Variants in KRTAP5-11 observed in about 807,000 individuals in gnomAD.
KRTAP5-11 encodes the protein keratin associated protein 5-11, also known as keratin-associated protein 5-11.
For synonymous variants in KRTAP5-11, 88 were observed against 73.0 expected, an observed-to-expected ratio of 1.21 and a Z score of -1.05; for missense variants, 202 against 188.7, an observed-to-expected ratio of 1.07 and a Z score of -0.41.
chr11:71,582,413 C>G lies in KRTAP5-11; in HGVS notation c.425G>C (p.Cys142Ser), dbSNP rs750328962. 1 of 1,614,188 alleles carries G rather than the reference C, an allele frequency of 6.2e-7. No individual in the cohort carries two copies. ...CACGGGGACACAGCAGCTGGACTGG[C>G]AGCAGCAGGGCTTGAAGCAGCTAGA... ...CQSSCFKPCC[C>S]QSSCCVPVCC... Residue 142 changes from cysteine to serine, a missense_variant, in exon 1 of 1, where the codon TGC becomes TCC. Coordinates refer to ENST00000398530, the MANE Select transcript of KRTAP5-11 (RefSeq NM_001005405.3).
Position 71,582,372 on chromosome 11 carries a change from T to C in KRTAP5-11, c.466A>G (p.Ile156Val). ...CCVPVCCQCKI is the reference protein window; with the variant it reads ...CCVPVCCQCKV ...GAAGGTCTGGGTCCAGAGCCTCAGATCTTACACTGGCAGCACACGGGGACA... is the reference window on the plus strand; with the variant it reads ...GAAGGTCTGGGTCCAGAGCCTCAGACCTTACACTGGCAGCACACGGGGACA... The change falls in exon 1 of 1, where the codon ATC becomes GTC. Residue 156 changes from isoleucine to valine, a missense_variant. Coordinates refer to ENST00000398530, the MANE Select transcript of KRTAP5-11 (RefSeq NM_001005405.3). 1.2e-6 allele frequency: 2 copies of C among 1,614,164 alleles called. No individual in the cohort carries two copies. The highest frequency in any genetic ancestry group is 1.7e-6 in the Non-Finnish European group (2 of 1,180,026).
chr11:71,582,643 C>G lies in KRTAP5-11; in HGVS notation c.195G>C (p.Gly65=). The G allele has an allele frequency of 1.2e-6, 2 of 1,613,810 alleles. No homozygotes were observed. The highest frequency in any genetic ancestry group is 1.7e-6 in the Non-Finnish European group (2 of 1,179,974). Reference sequence around the variant, plus strand: ...TGGAGCTCCCACAAGAGCCACAGCCCCCTTTGGAGCCCCCACAGGAGCCAC... The same window carrying G: ...TGGAGCTCCCACAAGAGCCACAGCCGCCTTTGGAGCCCCCACAGGAGCCAC... ...SSCGSCGGSK[G]GCGSCGSSKG... The change falls in exon 1 of 1, where the codon GGG becomes GGC. Residue 65 remains glycine (G), a synonymous_variant. Coordinates refer to ENST00000398530, the MANE Select transcript of KRTAP5-11 (RefSeq NM_001005405.3).
At position 71,582,282 on chromosome 11, in the gene KRTAP5-11, T is replaced by G; in HGVS notation, c.*85A>C. ...TAGAGCAGGTGCAGGTGCCTCAGGA[T>G]GATGTGTGGGATGAACTGATTCAGA... On this transcript the variant is annotated 3_prime_UTR_variant, in exon 1 of 1. Coordinates refer to ENST00000398530, the MANE Select transcript of KRTAP5-11 (RefSeq NM_001005405.3). 6.3e-7 allele frequency: 1 copy of G among 1,598,692 alleles called. No individual in the cohort carries two copies. The highest frequency in any genetic ancestry group is 8.5e-7 in the Non-Finnish European group (1 of 1,170,864).
chr11:71,582,401 C>G lies in KRTAP5-11; in HGVS notation c.437G>C (p.Cys146Ser). 2 of 1,614,210 alleles carry G rather than the reference C, an allele frequency of 1.2e-6. No individual in the cohort carries two copies. Among genetic ancestry groups the G allele is most frequent in the African/African-American group, 1.3e-5 (1 of 75,046 alleles). Residue 146 changes from cysteine (C) to serine (S), a missense_variant, in exon 1 of 1, where the codon TGC becomes TCC. By Grantham distance (112) the Cys-to-Ser change is moderately radical. Coordinates refer to ENST00000398530, the MANE Select transcript of KRTAP5-11 (RefSeq NM_001005405.3). Reference protein sequence around the residue: ...CFKPCCCQSSCCVPVCCQCKI With the variant: ...CFKPCCCQSSSCVPVCCQCKI ...ACACTGGCAGCACACGGGGACACAG[C>G]AGCTGGACTGGCAGCAGCAGGGCTT...
At position 71,582,252 on chromosome 11, in the gene KRTAP5-11, T is replaced by A. The variant is rs897225822; in HGVS notation, c.*115A>T. 4 of 1,573,728 alleles carry A rather than the reference T, an allele frequency of 2.5e-6. No homozygotes were observed. The African/African-American group carries it at 4.0e-5, about 16-fold the overall frequency. On this transcript the variant is annotated 3_prime_UTR_variant, in exon 1 of 1. Coordinates refer to ENST00000398530, the MANE Select transcript of KRTAP5-11 (RefSeq NM_001005405.3). ...TGGAAAGAGGTGCATGCATGGATGA[T>A]GAGCTAGAGCAGGTGCAGGTGCCTC...
rs1169390616 is a variant in KRTAP5-11, at chr11:71,581,992, C to T, written c.*375G>A. The stretch of plus-strand genomic sequence containing the variant: ...GAGAACAGGCAGCAGCCCAGGAGGA[C>T]CCAGAATCCCAGTGGTGGTTGAGAA... On this transcript the variant is annotated 3_prime_UTR_variant, in exon 1 of 1. Transcript: ENST00000398530. 3.7e-5 allele frequency: 12 copies of T among 324,298 alleles called. No individual in the cohort carries two copies. Among genetic ancestry groups the T allele is most frequent in the Admixed American group, 2.7e-4 (6 of 21,976 alleles). The allele number at this position is 324,298 out of a possible 1,614,324, so 20.1% of individuals were successfully genotyped here.
Position 71,582,146 on chromosome 11 carries a change from G to A in KRTAP5-11, c.*221C>T, listed in dbSNP as rs1250973375. Reference sequence around the variant, plus strand: ...TGCAGGGAACACCATGGCGTCCAGGGAAGAACACCTCCTGCATCAAGGAAA... The same window carrying A: ...TGCAGGGAACACCATGGCGTCCAGGAAAGAACACCTCCTGCATCAAGGAAA... On this transcript the variant is annotated 3_prime_UTR_variant, in exon 1 of 1. Coordinates refer to ENST00000398530, the MANE Select transcript of KRTAP5-11 (RefSeq NM_001005405.3). 5.4e-5 allele frequency: 52 copies of A among 968,934 alleles called. No homozygotes were observed. The highest frequency in any genetic ancestry group is 6.8e-5 in the Non-Finnish European group (45 of 662,222). 60.0% of individuals were successfully genotyped at this position (968,934 alleles called of 1,614,324 possible). A position where few individuals can be genotyped will look rare whatever the true frequency, so the allele number is the denominator to read the frequency against.
At position 71,582,355 on chromosome 11, in the gene KRTAP5-11, G is replaced by T. The variant is rs1177353014; in HGVS notation, c.*12C>A. 1 of 1,614,202 alleles carries T rather than the reference G, an allele frequency of 6.2e-7. No individual in the cohort carries two copies. The stretch of plus-strand genomic sequence containing the variant: ...CCAAAGAGGAGAAACCTGAAGGTCT[G>T]GGTCCAGAGCCTCAGATCTTACACT... On this transcript the variant is annotated 3_prime_UTR_variant, in exon 1 of 1. Transcript: ENST00000398530.
At position 71,582,280 on chromosome 11, in the gene KRTAP5-11, G is replaced by T. The variant is rs1440566753; in HGVS notation, c.*87C>A. The T allele has an allele frequency of 5.0e-6, 8 of 1,597,922 alleles. No homozygotes were observed. Among genetic ancestry groups the T allele is most frequent in the Non-Finnish European group, 2.6e-6 (3 of 1,170,658 alleles). On this transcript the variant is annotated 3_prime_UTR_variant, in exon 1 of 1. Coordinates refer to ENST00000398530, the MANE Select transcript of KRTAP5-11 (RefSeq NM_001005405.3). Reference sequence around the variant, plus strand: ...GCTAGAGCAGGTGCAGGTGCCTCAGGATGATGTGTGGGATGAACTGATTCA... The same window carrying T: ...GCTAGAGCAGGTGCAGGTGCCTCAGTATGATGTGTGGGATGAACTGATTCA...
rs770218109 is a variant in KRTAP5-11, at chr11:71,582,439, CTGGCAGCAGCTGGAT to C, written c.384_398del (p.Cys132_Cys136del). On this transcript the variant is annotated inframe_deletion, in exon 1 of 1. Transcript: ENST00000398530. Reference sequence around the variant, plus strand: ...AGCAGCAGGGCTTGAAGCAGCTAGACTGGCAGCAGCTGGATTGGCAGCAGCAGGGCTTGCAGCAGC... The same window carrying C: ...AGCAGCAGGGCTTGAAGCAGCTAGACTGGCAGCAGCAGGGCTTGCAGCAGC... The C allele has an allele frequency of 1.2e-6, 2 of 1,613,814 alleles. No individual in the cohort carries two copies. Among genetic ancestry groups the C allele is most frequent in the Non-Finnish European group, 1.7e-6 (2 of 1,179,912 alleles).
chr11:71,582,821 C>T lies in KRTAP5-11; in HGVS notation c.17G>A (p.Cys6Tyr). The T allele has an allele frequency of 3.7e-6, 6 of 1,613,786 alleles. No homozygotes were observed. Among genetic ancestry groups the T allele is most frequent in the Non-Finnish European group, 5.1e-6 (6 of 1,179,906 alleles). ...ACAGCCAGAGCCACAGCCTCCAGAA[C>T]AGCCACAGCAGCCCATGATTCTGGC... MGCCGCSGGCGSGCGG... is the reference protein window; with the variant it reads MGCCGYSGGCGSGCGG... The change falls in exon 1 of 1, where the codon TGT becomes TAT. Residue 6 changes from cysteine (C) to tyrosine (Y), a missense_variant. Physicochemically the swap from Cys to Tyr is radical, Grantham distance 194. Coordinates refer to ENST00000398530, the MANE Select transcript of KRTAP5-11 (RefSeq NM_001005405.3).
chr11:71,582,608 C>T lies in KRTAP5-11; in HGVS notation c.230G>A (p.Cys77Tyr). 6.2e-7 allele frequency: 1 copy of T among 1,614,144 alleles called. No homozygotes were observed. Among genetic ancestry groups the T allele is most frequent in the African/African-American group, 1.3e-5 (1 of 75,064 alleles). ...CGSCGSSKGGCGSCGCSQSNC... is the reference protein window; with the variant it reads ...CGSCGSSKGGYGSCGCSQSNC... ...GGACTGGGAGCAGCCACAAGAACCA[C>T]ACCCACCCTTGGAGCTCCCACAAGA... Residue 77 changes from cysteine (C) to tyrosine (Y), a missense_variant, in exon 1 of 1, where the codon TGT becomes TAT. Transcript: ENST00000398530.
In KRTAP5-11 at chr11:71,582,805, G is replaced by A; in HGVS notation, c.33C>T (p.Gly11=). The part of the protein sequence containing the change: MGCCGCSGGC[G]SGCGGCGSGS... ...CGGAGCCACAGCCCCCACAGCCAGA[G>A]CCACAGCCTCCAGAACAGCCACAGC... is the stretch of plus-strand genomic sequence containing the variant. Residue 11 remains glycine, a synonymous_variant, in exon 1 of 1, where the codon GGC becomes GGT. Transcript: ENST00000398530. 7 of 1,612,736 alleles carry A rather than the reference G, an allele frequency of 4.3e-6. No individual in the cohort carries two copies. The highest frequency in any genetic ancestry group is 5.9e-6 in the Non-Finnish European group (7 of 1,179,382).
In KRTAP5-11 at chr11:71,582,791, C is replaced by A. The variant is rs1366294431; in HGVS notation, c.47G>T (p.Gly16Val). 2 of 1,610,554 alleles carry A rather than the reference C, an allele frequency of 1.2e-6. No homozygotes were observed. Among genetic ancestry groups the A allele is most frequent in the Non-Finnish European group, 1.7e-6 (2 of 1,178,330 alleles). ...ACAGCCCCCACTGCCGGAGCCACAGCCCCCACAGCCAGAGCCACAGCCTCC... is the reference window on the plus strand; with the variant it reads ...ACAGCCCCCACTGCCGGAGCCACAGACCCCACAGCCAGAGCCACAGCCTCC... The part of the protein sequence containing the change: ...CSGGCGSGCG[G>V]CGSGSGGCGS... The change falls in exon 1 of 1, where the codon GGC becomes GTC. Residue 16 changes from glycine to valine, a missense_variant. By Grantham distance (109) the Gly-to-Val change is moderately radical. Coordinates refer to ENST00000398530, the MANE Select transcript of KRTAP5-11 (RefSeq NM_001005405.3).
At position 71,582,222 on chromosome 11, in the gene KRTAP5-11, A is replaced by G. The variant is rs1266505351; in HGVS notation, c.*145T>C. On this transcript the variant is annotated 3_prime_UTR_variant, in exon 1 of 1. Coordinates refer to ENST00000398530, the MANE Select transcript of KRTAP5-11 (RefSeq NM_001005405.3). ...GAAGGCAGGGCCTAGAGGAGAGCCGAGCCATGGAAAGAGGTGCATGCATGG... is the reference window on the plus strand; with the variant it reads ...GAAGGCAGGGCCTAGAGGAGAGCCGGGCCATGGAAAGAGGTGCATGCATGG... The G allele has an allele frequency of 6.5e-7, 1 of 1,527,010 alleles. No individual in the cohort carries two copies. Among genetic ancestry groups the G allele is most frequent in the East Asian group, 2.3e-5 (1 of 44,310 alleles). 94.6% of individuals were successfully genotyped at this position (1,527,010 alleles called of 1,614,324 possible). A position where few individuals can be genotyped will look rare whatever the true frequency, so the allele number is the denominator to read the frequency against.
At position 71,582,739 on chromosome 11, in the gene KRTAP5-11, G is replaced by GGAGCCACAGCCCCCACAGCCA. The variant is rs1231471865; in HGVS notation, c.78_98dup (p.Gly27_Ser33dup). On this transcript the variant is annotated inframe_insertion, in exon 1 of 1. Coordinates refer to ENST00000398530, the MANE Select transcript of KRTAP5-11 (RefSeq NM_001005405.3). ...AGCAGCAAATGGGCACACAGCAGCT[G>GGAGCCACAGCCCCCACAGCCA]GAGCCACAGCCCCCACAGCCAGAGC... 1 of 1,530,028 alleles carries GGAGCCACAGCCCCCACAGCCA rather than the reference G, an allele frequency of 6.5e-7. No homozygotes were observed. Among genetic ancestry groups the GGAGCCACAGCCCCCACAGCCA allele is most frequent in the Admixed American group, 1.8e-5 (1 of 56,826 alleles). The allele number at this position is 1,530,028 out of a possible 1,614,324, so 94.8% of individuals were successfully genotyped here. A position where few individuals can be genotyped will look rare whatever the true frequency, so the allele number is the denominator to read the frequency against.
chr11:71,582,318 G>C lies in KRTAP5-11; in HGVS notation c.*49C>G. ...ATGAACTGATTCAGAGAAACCATAAGAAATGCTTTCACCAAAGAGGAGAAA... is the reference window on the plus strand; with the variant it reads ...ATGAACTGATTCAGAGAAACCATAACAAATGCTTTCACCAAAGAGGAGAAA... On this transcript the variant is annotated 3_prime_UTR_variant, in exon 1 of 1. Transcript: ENST00000398530. 1 of 1,612,892 alleles carries C rather than the reference G, an allele frequency of 6.2e-7. No homozygotes were observed. The highest frequency in any genetic ancestry group is 8.5e-7 in the Non-Finnish European group (1 of 1,179,050).
chr11:71,582,851 T>A lies in KRTAP5-11; in HGVS notation c.-14A>T. ...ACAGCAGCCCATGATTCTGGCGGAT[T>A]GAGAGTAGAGCAGGTAGAGGAGCAG... On this transcript the variant is annotated 5_prime_UTR_variant, in exon 1 of 1. Coordinates refer to ENST00000398530, the MANE Select transcript of KRTAP5-11 (RefSeq NM_001005405.3). 6.2e-7 allele frequency: 1 copy of A among 1,613,728 alleles called. No homozygotes were observed. Among genetic ancestry groups the A allele is most frequent in the South Asian group, 1.1e-5 (1 of 91,048 alleles).
chr11:71,582,134 A>G lies in KRTAP5-11; in HGVS notation c.*233T>C. 1 of 860,622 alleles carries G rather than the reference A, an allele frequency of 1.2e-6. No individual in the cohort carries two copies. The allele number at this position is 860,622 out of a possible 1,614,324, so 53.3% of individuals were successfully genotyped here. A position where few individuals can be genotyped will look rare whatever the true frequency, so the allele number is the denominator to read the frequency against. On this transcript the variant is annotated 3_prime_UTR_variant, in exon 1 of 1. Transcript: ENST00000398530. ...TCCACACCCAAGTGCAGGGAACACC[A>G]TGGCGTCCAGGGAAGAACACCTCCT...
Sources: allele counts gnomAD v4.1 joint callset, GRCh38; gene constraint gnomAD v4.1.1; transcripts MANE v1.5; gene names NCBI Gene and HGNC (gene_info 2026-07-23, HGNC 2026-07-21).